Variants in MYOF observed in about 807,000 individuals in gnomAD.
MYOF encodes the protein fer-1-like 3, myoferlin.
A neutral mutation model predicts 284.2 loss-of-function variants in MYOF; 244 were observed. That is an observed-to-expected ratio of 0.86 (90% CI 0.77 to 0.95). MYOF has a LOEUF of 0.95. Among genes scored for constraint, MYOF ranks in the 40% least tolerant of loss-of-function variants. The pLI is 0.00. For synonymous variants in MYOF, 904 were observed against 919.7 expected (o/e 0.98, Z 0.31); for missense variants, 2,496 against 2,560.6 (o/e 0.97, Z 0.54).
rs772491610 is a variant in MYOF, at chr10:93,379,873, G to A, written c.1991C>T (p.Ala664Val). The change falls in exon 21 of 54, where the codon GCA becomes GTA. Residue 664 changes from alanine to valine, a missense_variant. Transcript: ENST00000359263. ...AAAAGAGAAACTTACCAGCCGTTCT[G>A]CCATAGCTAGGAGAGTGTTCACCGC... The part of the protein sequence containing the change: ...LDAVNTLLAM[A>V]ERLQTNIEAL... 6.2e-7 allele frequency: 1 copy of A among 1,613,780 alleles called. No individual in the cohort carries two copies. Among genetic ancestry groups the A allele is most frequent in the Admixed American group, 1.7e-5 (1 of 60,012 alleles).
chr10:93,427,008 T>C (rs1353186846), intron 4 of MYOF, among the ~76,000 whole-genome samples: 1 of 145,868 alleles, frequency 6.9e-6, no homozygotes, highest in Non-Finnish European at 1.5e-5. Context: ...TGCCTCAGCC[T>C]CCCGAATGGC....
chr10:93,451,507 C>G (rs941062898), intron 3 of MYOF, among the ~76,000 whole-genome samples: 3 of 151,868 alleles, frequency 2.0e-5, no homozygotes, highest in Non-Finnish European at 4.4e-5. Flanking sequence ...CAGAGGACAA[C>G]CCTCAGTGTC....
intron 43 of MYOF, among the ~76,000 whole-genome samples, chr10:93,331,511 T>C (rs1843298982): frequency 1.3e-5 from 2 of 152,170 alleles, no homozygotes. Context: ...CCTTTCTCCC[T>C]TCAAAGCTGG....
rs750124792 is a variant in MYOF, at chr10:93,387,771, T to A, written c.1698+26A>T. On this transcript the variant is annotated intron_variant, in intron 19 of 53. Coordinates refer to ENST00000359263, the MANE Select transcript of MYOF (RefSeq NM_013451.4). ...CCTGGAGGTCTCCTTTTCTATACCA[T>A]GCATTACTCACACTTTAACATTTAC... 3.1e-6 allele frequency: 5 copies of A among 1,587,482 alleles called. No homozygotes were observed. In the East Asian group the frequency reaches 8.9e-5, roughly 28 times the overall value.
At chr10:93,314,640 A>G (rs1842536044) in intron 50 of MYOF, among the ~76,000 whole-genome samples, 1 of 152,190 alleles carries the variant, frequency 6.6e-6, no homozygotes, top group African/African-American at 2.4e-5. Flanking sequence ...ACGTGACCTT[A>G]GCCTTTCTTG....
chr10:93,474,288 A>G (rs947601), intron 1 of MYOF, among the ~76,000 whole-genome samples: 1 of 152,140 alleles, frequency 6.6e-6, no homozygotes, highest in African/African-American at 2.4e-5. Context: ...CGGCTCCCCA[A>G]TGGTTGATGA....
At position 93,356,549 on chromosome 10, in the gene MYOF, G is replaced by A. The variant is rs1844812890; in HGVS notation, c.3294+126C>T. 2 of 1,027,112 alleles carry A rather than the reference G, an allele frequency of 1.9e-6. 1 individual carries two copies. 63.6% of individuals were successfully genotyped at this position (1,027,112 alleles called of 1,614,324 possible). ...AGGATGTGTGGCTTTCCCTCAACCT[G>A]TTAATATTTGCCATCTTATAGTACC... On this transcript the variant is annotated intron_variant, in intron 30 of 53. Transcript: ENST00000359263.
At chr10:93,333,409 G>T in intron 42 of MYOF, 97 bp from the exon 43 acceptor site, 2 of 1,068,118 alleles carry the variant, frequency 1.9e-6, no homozygotes, top group Non-Finnish European at 2.9e-6. Flanking sequence ...CCCACTCCCA[G>T]CTGATGACAA....
chr10:93,452,976 T>C (rs924858561), intron 2 of MYOF, among the ~76,000 whole-genome samples: 4 of 152,134 alleles, frequency 2.6e-5, no homozygotes, highest in Admixed American at 6.5e-5. Context: ...AAAAGATTGA[T>C]AAAGCGTCAC....
intron 19 of MYOF, among the ~76,000 whole-genome samples, chr10:93,384,139 G>A (rs696176): frequency 0.73 from 111,229 of 152,070 alleles, 40,960 homozygotes; most frequent in East Asian, 0.98. Flanking sequence ...TTCCAGGAGG[G>A]GCAACGCTAC....
At chr10:93,318,102 G>A (rs1842694799) in intron 49 of MYOF, among the ~76,000 whole-genome samples, 2 of 152,122 alleles carry the variant, frequency 1.3e-5, no homozygotes, top group Admixed American at 1.3e-4. Flanking sequence ...CAGCCCTGAT[G>A]CCACACCATC....
intron 1 of MYOF, among the ~76,000 whole-genome samples, chr10:93,477,384 C>T (rs190768033): frequency 1.5e-4 from 22 of 151,388 alleles, no homozygotes; most frequent in Middle Eastern, 3.4e-3. Context: ...CCCAGCTACT[C>T]GGGAGACTGA....
chr10:93,467,903 C>T (rs1015597274), intron 1 of MYOF, among the ~76,000 whole-genome samples: 2 of 152,180 alleles, frequency 1.3e-5, no homozygotes, highest in South Asian at 2.1e-4. Flanking sequence ...GGGTGCCAGG[C>T]GACCTGTCAC....
intron 1 of MYOF, among the ~76,000 whole-genome samples, chr10:93,470,852 A>G (rs553639170): frequency 1.3e-5 from 2 of 152,316 alleles, no homozygotes; most frequent in African/African-American, 2.4e-5. Flanking sequence ...GCTTGGATCA[A>G]TGCTTGTTGA....
intron 7 of MYOF, among the ~76,000 whole-genome samples, chr10:93,404,736 G>C (rs1435073957): frequency 6.6e-6 from 1 of 151,884 alleles, no homozygotes; most frequent in Non-Finnish European, 1.5e-5. Flanking sequence ...ATGACCTGGA[G>C]TGTGTTTTAA....
At chr10:93,433,931 A>G (rs2134228858) in intron 3 of MYOF, among the ~76,000 whole-genome samples, 1 of 152,284 alleles carries the variant, frequency 6.6e-6, no homozygotes, top group South Asian at 2.1e-4. Flanking sequence ...AGACTTGGCA[A>G]TATTAATAAG....
intron 48 of MYOF, among the ~76,000 whole-genome samples, chr10:93,320,879 TAGATAG>T (rs555157295): frequency 6.6e-6 from 1 of 152,072 alleles, no homozygotes; most frequent in Non-Finnish European, 1.5e-5. Context: ...ACCCCACAGA[TAGATAG>T]AGATTCATGG....
At chr10:93,422,911 T>C (rs1443106662) in intron 5 of MYOF, among the ~76,000 whole-genome samples, 1 of 149,926 alleles carries the variant, frequency 6.7e-6, no homozygotes, top group Non-Finnish European at 1.5e-5. Context: ...AACCACAGTA[T>C]TTTTTTTTTC....
At chr10:93,410,375 C>T (rs922612612) in intron 5 of MYOF, among the ~76,000 whole-genome samples, 2 of 152,154 alleles carry the variant, frequency 1.3e-5, no homozygotes, top group African/African-American at 2.4e-5. Context: ...AAAAGGTTTA[C>T]CCTGCTCAGC....
Sources: allele counts gnomAD v4.1 joint callset (sites outside exome capture counted in the v4.1 genomes callset), GRCh38; gene constraint gnomAD v4.1.1; transcripts MANE v1.5; gene names NCBI Gene and HGNC (gene_info 2026-07-23, HGNC 2026-07-21).